Variants in BANK1 observed in about 807,000 individuals in gnomAD.
BANK1 encodes the protein B cell scaffold protein with ankyrin repeats 1, also known as B-cell scaffold protein with ankyrin repeats.
In BANK1, 95 loss-of-function variants were observed where a neutral mutation model predicts 94.5. That is an observed-to-expected ratio of 1.00 (90% CI 0.85 to 1.19). BANK1 has a LOEUF of 1.19. Among genes scored for constraint, BANK1 ranks in the 50% most tolerant of loss-of-function variants. BANK1 has a pLI of 0.00. For missense variants in BANK1, 987 were observed against 932.2 expected, an observed-to-expected ratio of 1.06 and a Z score of -0.77; for synonymous variants, 334 against 308.4, an observed-to-expected ratio of 1.08 and a Z score of -0.87.
chr4:102,005,719 A>G (rs1349371894), intron 7 of BANK1, among the ~76,000 whole-genome samples: 2 of 152,060 alleles, frequency 1.3e-5, no homozygotes, highest in Non-Finnish European at 2.9e-5. Context: ...TGCTTTATAT[A>G]TATTAATGCA....
At chr4:102,068,026 A>C (rs909557616) in intron 13 of BANK1, among the ~76,000 whole-genome samples, 1 of 152,138 alleles carries the variant, frequency 6.6e-6, no homozygotes, top group Admixed American at 6.5e-5. Flanking sequence ...ATTAAGAATT[A>C]TATATCTAGA....
At chr4:101,870,774 A>G (rs1728256284) in intron 5 of BANK1, 130 bp downstream of exon 5, 21 of 1,093,046 alleles carry the variant, frequency 1.9e-5, no homozygotes, top group Non-Finnish European at 2.6e-5. Context: ...ATCAATAGGA[A>G]GGGAAGAGGC....
In BANK1 at chr4:102,020,188, C is replaced by A. The variant is rs1578459983; in HGVS notation, c.1207-1326C>A. ...TACTAATAAATTAGTAAAAAAAAAT[C>A]CTTGAAGTGGTTTTGGGAGTACTAT... On this transcript the variant is annotated intron_variant, in intron 7 of 16. Transcript: ENST00000322953. 2.6e-5 allele frequency among the ~76,000 whole-genome samples: 4 copies of A among 151,912 alleles called. No homozygotes were observed. In the East Asian group the frequency reaches 7.7e-4, roughly 29 times the overall value.
chr4:101,810,125 A>G (rs1725690804), intron 1 of BANK1, among the ~76,000 whole-genome samples: 1 of 152,178 alleles, frequency 6.6e-6, no homozygotes, highest in Non-Finnish European at 1.5e-5. Flanking sequence ...AAGCTGGAGG[A>G]ATGGGACCAT....
At chr4:101,829,153 C>T (rs575047865) in intron 1 of BANK1, among the ~76,000 whole-genome samples, 27 of 152,196 alleles carry the variant, frequency 1.8e-4, no homozygotes, top group African/African-American at 5.8e-4. Context: ...TGAGCCACCG[C>T]GCCGGGCAAG....
intron 4 of BANK1, among the ~76,000 whole-genome samples, chr4:101,867,124 C>A (rs1728101152): frequency 8.6e-6 from 1 of 116,498 alleles, no homozygotes; most frequent in South Asian, 2.9e-4. Flanking sequence ...ATGTAACTAA[C>A]CTGCACAATG....
At chr4:101,809,226 C>G (rs1469161841) in intron 1 of BANK1, among the ~76,000 whole-genome samples, 2 of 152,054 alleles carry the variant, frequency 1.3e-5, no homozygotes, top group East Asian at 3.9e-4. Context: ...GGCCATTATT[C>G]TAAGTGAAGT....
intron 7 of BANK1, among the ~76,000 whole-genome samples, chr4:101,978,916 A>C (rs1479715367): frequency 6.6e-6 from 1 of 152,056 alleles, no homozygotes; most frequent in African/African-American, 2.4e-5. Flanking sequence ...ACATCCTTTA[A>C]GGTTTAGCTT....
Position 101,830,240 on chromosome 4 carries a change from A to ATT in BANK1, c.469+36_469+37dup, listed in dbSNP as rs770177159. The ATT allele has an allele frequency of 3.7e-6, 5 of 1,355,578 alleles. No individual in the cohort carries two copies. In the African/African-American group the frequency reaches 1.0e-4, roughly 28 times the overall value. The allele number at this position is 1,355,578 out of a possible 1,614,324, so 84.0% of individuals were successfully genotyped here. On this transcript the variant is annotated intron_variant, in intron 2 of 16. Transcript: ENST00000322953. ...GCCAAACCTTGTTTGTTTTATTTTT[A>ATT]TTTGTTTTTTTTTTTTTGTAATTAA...
At chr4:102,009,154 G>A (rs555810952) in intron 7 of BANK1, among the ~76,000 whole-genome samples, 5 of 152,296 alleles carry the variant, frequency 3.3e-5, no homozygotes, top group East Asian at 1.9e-4. Flanking sequence ...CAGTCAATAC[G>A]GTACTTATCC....
rs72686781 is a variant in BANK1, at chr4:102,000,102, T to A, written c.1207-21412T>A. 3.8e-3 allele frequency among the ~76,000 whole-genome samples: 578 copies of A among 152,146 alleles called. 2 individuals are homozygous for A. Among genetic ancestry groups the A allele is most frequent in the Admixed American group, 9.4e-3 (143 of 15,286 alleles). On this transcript the variant is annotated intron_variant, in intron 7 of 16. Coordinates refer to ENST00000322953, the MANE Select transcript of BANK1 (RefSeq NM_017935.5). ...TGGGAGGCCAAGCAAGACAGGCCGA[T>A]CATCTGAGGTCAGGAGTTTGAGACC...
intron 4 of BANK1, among the ~76,000 whole-genome samples, chr4:101,865,784 GT>G (rs1728048144): frequency 6.6e-6 from 1 of 151,916 alleles, no homozygotes; most frequent in South Asian, 2.1e-4. Flanking sequence ...GTGGATTACT[GT>G]TTAAAAAAGC....
At chr4:101,986,787 G>GTGTATATATATGTGTATATATATA in intron 7 of BANK1, among the ~76,000 whole-genome samples, 2 of 89,176 alleles carry the variant, frequency 2.2e-5, no homozygotes, top group East Asian at 5.5e-4. Context: ...TTATATATGT[G>GTGTATATATATGTGTATATATATA]TGTATATATA....
At chr4:101,921,480 AT>A (rs1197209603) in intron 7 of BANK1, among the ~76,000 whole-genome samples, 3 of 151,932 alleles carry the variant, frequency 2.0e-5, no homozygotes, top group Non-Finnish European at 4.4e-5. Context: ...TTGGCCTCAG[AT>A]TGAGGTGCTT....
At position 102,018,819 on chromosome 4, in the gene BANK1, C is replaced by CTTT. The variant is rs200697538; in HGVS notation, c.1207-2695_1207-2694insTTT. Among the ~76,000 whole-genome samples, 33 of 141,104 alleles carry CTTT rather than the reference C, an allele frequency of 2.3e-4. 2 individuals carry two copies. The highest frequency in any genetic ancestry group is 7.4e-4 in the African/African-American group (27 of 36,610). 92.6% of individuals were successfully genotyped at this position (141,104 alleles called of 152,430 possible). On this transcript the variant is annotated intron_variant, in intron 7 of 16. Coordinates refer to ENST00000322953, the MANE Select transcript of BANK1 (RefSeq NM_017935.5). ...ATCTATTTCTTTTCTTTCTTTCTTTCCTTTTTTTTTTTTTTTTGAGACAGA... is the reference window on the plus strand; with the variant it reads ...ATCTATTTCTTTTCTTTCTTTCTTTCTTTCTTTTTTTTTTTTTTTTGAGACAGA...
rs184499290 is a variant in BANK1, at chr4:101,934,865, T to G, written c.1206+16676T>G. ...AATGCCACAATTCTTCATTGCACAC[T>G]TATTTTATGAGCCGTGTTTACCTGC... is the stretch of plus-strand genomic sequence containing the variant. On this transcript the variant is annotated intron_variant, in intron 7 of 16. Coordinates refer to ENST00000322953, the MANE Select transcript of BANK1 (RefSeq NM_017935.5). Among the ~76,000 whole-genome samples, 411 of 151,690 alleles carry G rather than the reference T, an allele frequency of 2.7e-3. 1 individual carries two copies. The highest frequency in any genetic ancestry group is 9.3e-3 in the African/African-American group (385 of 41,496).
In BANK1 at chr4:102,025,344, A is replaced by G. The variant is rs144484254; in HGVS notation, c.1429A>G (p.Ser477Gly). ...ETKHSPLEVG[S>G]ESSEDQYDDL... ...CAAACACAGCCCACTAGAGGTTGGC[A>G]GTGAGAGTTCTGAAGACCAGTATGA... The change falls in exon 9 of 17, where the codon AGT becomes GGT. Residue 477 changes from serine to glycine, a missense_variant. Physicochemically the swap from Ser to Gly is moderately conservative, Grantham distance 56 (BLOSUM62 0). Transcript: ENST00000322953. 4.2e-5 allele frequency: 67 copies of G among 1,614,164 alleles called. No homozygotes were observed. The East Asian group carries it at 1.3e-3, about 32-fold the overall frequency.
chr4:101,916,114 TA>T (rs1722823420), intron 6 of BANK1, among the ~76,000 whole-genome samples: 1 of 152,054 alleles, frequency 6.6e-6, no homozygotes. Context: ...TTTCTTGGCT[TA>T]AAGCATTTGT....
Position 102,030,280 on chromosome 4 carries a change from T to A in BANK1, c.1900+15T>A, listed in dbSNP as rs755611498. On this transcript the variant is annotated intron_variant, in intron 10 of 16. Coordinates refer to ENST00000322953, the MANE Select transcript of BANK1 (RefSeq NM_017935.5). The stretch of plus-strand genomic sequence containing the variant: ...CATAGCTCAAGGTAATTATCATTGT[T>A]GTTTGTTTACTTGTTAATTTTTTTT... The A allele has an allele frequency of 6.5e-7, 1 of 1,548,012 alleles. No individual in the cohort carries two copies. Among genetic ancestry groups the A allele is most frequent in the East Asian group, 2.3e-5 (1 of 44,224 alleles).
Sources: gnomAD v4.1 joint callset for allele counts (sites outside exome capture counted in the v4.1 genomes callset) on GRCh38, gnomAD v4.1.1 for gene constraint, MANE v1.5 for transcripts, NCBI Gene and HGNC (gene_info 2026-07-23, HGNC 2026-07-21) for gene names.